Variants in HCK observed in about 807,000 individuals in gnomAD.
The protein encoded by HCK is HCK proto-oncogene, Src family tyrosine kinase, also known as tyrosine-protein kinase HCK.
In HCK, 40 loss-of-function variants were observed where a neutral mutation model predicts 70.4. That is an observed-to-expected ratio of 0.57 (90% confidence interval 0.44 to 0.74). The LOEUF (loss-of-function observed/expected upper bound fraction) is 0.74. Ranked by LOEUF, HCK falls within the 30% of genes least tolerant of loss-of-function variation. The pLI, the probability that HCK is intolerant of heterozygous loss-of-function variation, is 0.00. For missense variants in HCK, 568 were observed against 697.2 expected (o/e 0.81, Z 2.09); for synonymous variants, 245 against 263.2 (o/e 0.93, Z 0.67).
At chr20:32,054,525 G>T (rs1425177664) in intron 1 of HCK, among the ~76,000 whole-genome samples, 38 of 68,370 alleles carry the variant, frequency 5.6e-4, no homozygotes, top group African/African-American at 1.7e-3. Flanking sequence ...AAAAAAAAAA[G>T]CCCGGACGCG....
chr20:32,064,696 G>C (rs1052328766), intron 1 of HCK, among the ~76,000 whole-genome samples: 1 of 152,210 alleles, frequency 6.6e-6, no homozygotes, highest in African/African-American at 2.4e-5. Context: ...CCACTGGATG[G>C]ATGCTCAGGC....
intron 1 of HCK, among the ~76,000 whole-genome samples, chr20:32,061,562 A>C (rs1462370754): frequency 6.6e-6 from 1 of 152,200 alleles, no homozygotes; most frequent in South Asian, 2.1e-4. Flanking sequence ...AGCTGGGAAC[A>C]GGCTAGACAG....
At chr20:32,074,335 C>A (rs2045590615) in intron 4 of HCK, among the ~76,000 whole-genome samples, 1 of 152,164 alleles carries the variant, frequency 6.6e-6, no homozygotes, top group South Asian at 2.1e-4. Context: ...ATGGGTATAG[C>A]TAATAAGACC....
chr20:32,097,362 G>A (rs1432662599), intron 11 of HCK, among the ~76,000 whole-genome samples: 1 of 151,956 alleles, frequency 6.6e-6, no homozygotes, highest in Non-Finnish European at 1.5e-5. Context: ...GGAGGATCAC[G>A]AGGTCAGGAG....
chr20:32,090,725 A>G (rs548244557), intron 10 of HCK, among the ~76,000 whole-genome samples: 1 of 152,290 alleles, frequency 6.6e-6, no homozygotes, highest in African/African-American at 2.4e-5. Context: ...CGCCTTTATC[A>G]ACCCGCAGTG....
Position 32,101,347 on chromosome 20 carries a change from T to C in HCK, c.1409T>C (p.Leu470Pro). The C allele has an allele frequency of 6.2e-7, 1 of 1,614,198 alleles. No homozygotes were observed. Residue 470 changes from leucine (L) to proline (P), a missense_variant, in exon 13 of 13, where the codon CTG becomes CCG. Transcript: ENST00000375852. Reference sequence around the variant, plus strand: ...TCAAACCCTGAAGTGATCCGAGCTCTGGAGCGTGGATACCGGATGCCTCGC... The same window carrying C: ...TCAAACCCTGAAGTGATCCGAGCTCCGGAGCGTGGATACCGGATGCCTCGC...
chr20:32,059,318 T>C (rs1278731926), intron 1 of HCK, among the ~76,000 whole-genome samples: 1 of 150,916 alleles, frequency 6.6e-6, no homozygotes, highest in Non-Finnish European at 1.5e-5. Flanking sequence ...CTTTCTTTTC[T>C]TTTCTTTCTT....
intron 1 of HCK, among the ~76,000 whole-genome samples, chr20:32,063,222 T>C (rs2045405639): frequency 6.6e-6 from 1 of 152,180 alleles, no homozygotes; most frequent in Non-Finnish European, 1.5e-5. Context: ...AATATATCCA[T>C]TACACGAATG....
intron 10 of HCK, among the ~76,000 whole-genome samples, chr20:32,092,644 C>T (rs1283747355): frequency 1.3e-5 from 2 of 152,096 alleles, no homozygotes; most frequent in African/African-American, 2.4e-5. Context: ...CCACCCTCCT[C>T]TCCTGACCTA....
At chr20:32,094,751 A>AAGAGAGAAAGAAAGAG (rs1327921414) in intron 11 of HCK, among the ~76,000 whole-genome samples, 11 of 87,958 alleles carry the variant, frequency 1.3e-4, no homozygotes, top group African/African-American at 5.0e-4. Context: ...GAAAGAAAGA[A>AAGAGAGAAAGAAAGAG]AGAAAGAAAG....
rs763245498 is a variant in HCK, at chr20:32,075,611, C to T, written c.428+890C>T. On this transcript the variant is annotated intron_variant, in intron 5 of 12. Coordinates refer to ENST00000375852, the MANE Select transcript of HCK (RefSeq NM_002110.5). ...AAGATATATCCCTACCCTCAAGGAG[C>T]TCTCCATAACCCATCGTTCTTGGCT... 3.9e-5 allele frequency among the ~76,000 whole-genome samples: 6 copies of T among 152,186 alleles called. No homozygotes were observed. In the East Asian group the frequency reaches 1.2e-3, roughly 29 times the overall value.
intron 1 of HCK, among the ~76,000 whole-genome samples, chr20:32,062,925 T>G (rs2045401367): frequency 2.0e-5 from 3 of 152,150 alleles, no homozygotes; most frequent in Non-Finnish European, 4.4e-5. Flanking sequence ...GAAGGGAAAG[T>G]TCCTGTAACT....
chr20:32,098,292 A>T (rs1378819435), intron 11 of HCK, among the ~76,000 whole-genome samples: 2 of 151,968 alleles, frequency 1.3e-5, no homozygotes, highest in Non-Finnish European at 2.9e-5. Flanking sequence ...TGGTCTCCCA[A>T]AGTGCTGGGA....
At chr20:32,057,288 G>A (rs1438269510) in intron 1 of HCK, among the ~76,000 whole-genome samples, 1 of 152,156 alleles carries the variant, frequency 6.6e-6, no homozygotes, top group East Asian at 1.9e-4. Context: ...TCATGACAAG[G>A]CTTCCTTTTT....
rs760621105 is a variant in HCK, at chr20:32,074,697, G to A, written c.404G>A (p.Arg135His). The A allele has an allele frequency of 7.4e-6, 12 of 1,613,640 alleles. No homozygotes were observed. The highest frequency in any genetic ancestry group is 3.3e-4 in the Middle Eastern group (2 of 6,084). ...TACATCCCAAGCAACTATGTCGCCCGCGTTGACTCTCTGGAGACAGAGGAG... is the reference window on the plus strand; with the variant it reads ...TACATCCCAAGCAACTATGTCGCCCACGTTGACTCTCTGGAGACAGAGGAG... The change falls in exon 5 of 13, where the codon CGC (arginine) becomes CAC (histidine). Residue 135 changes from arginine (R) to histidine (H), a missense_variant. Arg to His is a conservative substitution (Grantham distance 29, BLOSUM62 0). Around this residue, in one of 4 missense-constraint regions of HCK, gnomAD observed 318 missense variants for 336.0 expected, o/e 0.95. Coordinates refer to ENST00000375852, the MANE Select transcript of HCK (RefSeq NM_002110.5).
chr20:32,077,657 G>T (rs2045646300), intron 5 of HCK, among the ~76,000 whole-genome samples: 1 of 152,146 alleles, frequency 6.6e-6, no homozygotes, highest in African/African-American at 2.4e-5. Flanking sequence ...CTCCCAAGTA[G>T]CTGGGATTAC....
intron 5 of HCK, among the ~76,000 whole-genome samples, chr20:32,075,650 G>T (rs1167929165): frequency 1.3e-5 from 2 of 152,086 alleles, no homozygotes; most frequent in African/African-American, 4.8e-5. Context: ...GGTTCTTCTT[G>T]TGTCTAGCTT....
Position 32,074,728 on chromosome 20 carries a change from A to G in HCK, c.428+7A>G. On this transcript the variant is annotated splice_region_variant and intron_variant, in intron 5 of 12. Coordinates refer to ENST00000375852, the MANE Select transcript of HCK (RefSeq NM_002110.5). ...ACTCTCTGGAGACAGAGGAGTAAGT[A>G]TCCTATTTCCTACCTTCCAGAAAGA... 6.2e-7 allele frequency: 1 copy of G among 1,602,008 alleles called. No individual in the cohort carries two copies. The highest frequency in any genetic ancestry group is 8.6e-7 in the Non-Finnish European group (1 of 1,168,972).
At chr20:32,074,055 G>A (rs2045585087) in intron 4 of HCK, among the ~76,000 whole-genome samples, 1 of 152,122 alleles carries the variant, frequency 6.6e-6, no homozygotes, top group African/African-American at 2.4e-5. Context: ...GCTTTCTCAG[G>A]GAAGCCTTTC....
Sources: allele counts gnomAD v4.1 joint callset (sites outside exome capture counted in the v4.1 genomes callset), GRCh38; gene constraint gnomAD v4.1.1; regional missense constraint gnomAD v4.1.1; transcripts MANE v1.5; gene names NCBI Gene and HGNC (gene_info 2026-07-23, HGNC 2026-07-21).